Variants in DPP4 observed in about 807,000 individuals in gnomAD.
DPP4 encodes the protein dipeptidyl peptidase 4.
DPP4 carries 93 observed loss-of-function variants against 122.4 expected under a neutral mutation model. That is an observed-to-expected ratio of 0.76 (90% CI 0.64 to 0.90). The LOEUF (loss-of-function observed/expected upper bound fraction) is 0.90. Ranked by LOEUF, DPP4 falls within the 40% of genes least tolerant of loss-of-function variation. DPP4 has a pLI of 0.00. For missense variants in DPP4, 914 were observed against 907.3 expected (o/e 1.01, Z -0.09); for synonymous variants, 321 against 302.9 (o/e 1.06, Z -0.62).
intron 14 of DPP4, among the ~76,000 whole-genome samples, chr2:162,020,016 G>C (rs548702929): frequency 5.9e-5 from 9 of 152,178 alleles, no homozygotes; most frequent in Non-Finnish European, 1.2e-4. Context: ...GCAGGTAAGA[G>C]CAAGAGGTAG....
chr2:162,034,084 C>T (rs181138906), intron 9 of DPP4, among the ~76,000 whole-genome samples: 131 of 152,074 alleles, frequency 8.6e-4, no homozygotes, highest in African/African-American at 2.9e-3. Context: ...ACCTTGGGTT[C>T]TGCCAAAGAC....
chr2:162,067,715 A>T (rs1192004734), intron 2 of DPP4, among the ~76,000 whole-genome samples: 1 of 152,196 alleles, frequency 6.6e-6, no homozygotes, highest in African/African-American at 2.4e-5. Flanking sequence ...TTACTCTCAA[A>T]TTGAGAGACA....
intron 2 of DPP4, among the ~76,000 whole-genome samples, chr2:162,069,952 A>T (rs1685061443): frequency 6.6e-6 from 1 of 152,242 alleles, no homozygotes; most frequent in African/African-American, 2.4e-5. Context: ...ATAAAATTCA[A>T]TAATAATAAA....
chr2:162,061,127 G>A (rs903816581), intron 2 of DPP4, among the ~76,000 whole-genome samples: 1 of 151,682 alleles, frequency 6.6e-6, no homozygotes, highest in Non-Finnish European at 1.5e-5. Flanking sequence ...AGCCTTGAAC[G>A]AACTCCTGGG....
Position 162,020,234 on chromosome 2 carries a change from A to G in DPP4, c.1239T>C (p.Asp413=), listed in dbSNP as rs1683071459. ...EVIGIEALTS[D]YLYYISNEYK... ...TCAATTGTTACAATACTCACAGATAATCACTGGTTAGAGCTTCTATCCCGA... is the reference window on the plus strand; with the variant it reads ...TCAATTGTTACAATACTCACAGATAGTCACTGGTTAGAGCTTCTATCCCGA... The change falls in exon 14 of 26, where the codon GAT becomes GAC. Residue 413 remains aspartate, a synonymous_variant. Coordinates refer to ENST00000360534, the MANE Select transcript of DPP4 (RefSeq NM_001935.4). The G allele has an allele frequency of 2.5e-6, 4 of 1,610,566 alleles. No individual in the cohort carries two copies. Among genetic ancestry groups the G allele is most frequent in the Non-Finnish European group, 2.5e-6 (3 of 1,178,728 alleles).
intron 2 of DPP4, among the ~76,000 whole-genome samples, chr2:162,049,114 T>G (rs1576064711): frequency 6.6e-6 from 1 of 152,168 alleles, no homozygotes; most frequent in Non-Finnish European, 1.5e-5. Context: ...GTTATAAAAT[T>G]CCTATAACTG....
chr2:162,061,511 C>T (rs938721585), intron 2 of DPP4, among the ~76,000 whole-genome samples: 3 of 152,132 alleles, frequency 2.0e-5, no homozygotes, highest in African/African-American at 7.2e-5. Flanking sequence ...TAAGTACTTA[C>T]TTTAACAGTC....
intron 2 of DPP4, 42 bp downstream of exon 2, chr2:162,073,357 G>A (rs757723055): frequency 6.3e-7 from 1 of 1,596,690 alleles, no homozygotes; most frequent in Non-Finnish European, 8.6e-7. Flanking sequence ...AGCCTGACCT[G>A]AGCTCCAACT....
intron 19 of DPP4, among the ~76,000 whole-genome samples, chr2:162,012,793 G>T (rs925923532): frequency 6.6e-6 from 1 of 151,890 alleles, no homozygotes; most frequent in African/African-American, 2.4e-5. Flanking sequence ...CCTGGACATG[G>T]ATACTCTCCA....
intron 22 of DPP4, among the ~76,000 whole-genome samples, chr2:162,006,366 T>A (rs1701282832): frequency 2.0e-5 from 3 of 152,202 alleles, no homozygotes; most frequent in Admixed American, 2.0e-4. Context: ...CTGATTTAAA[T>A]CATATTTTAT....
At chr2:162,073,782 G>T (rs531144796) in intron 1 of DPP4, among the ~76,000 whole-genome samples, 194 bp downstream of exon 1, 2 of 84,260 alleles carry the variant, frequency 2.4e-5, no homozygotes, top group African/African-American at 7.9e-5. Flanking sequence ...TCGACGCCAG[G>T]GTCCTAGCAG....
chr2:162,047,273 G>GAAA, intron 3 of DPP4, 130 bp downstream of exon 3: 1 of 470,360 alleles, frequency 2.1e-6, no homozygotes, highest in Non-Finnish European at 3.6e-6. Flanking sequence ...AGTAGAAAAA[G>GAAA]AAAAAAAAAA....
chr2:162,018,581 ATTGT>A, intron 16 of DPP4, 144 bp downstream of exon 16: 1 of 1,032,126 alleles, frequency 9.7e-7, no homozygotes. Context: ...GGAAGAAAAG[ATTGT>A]TTATGCTCAC....
At chr2:162,044,626 C>A (rs149555806) in intron 5 of DPP4, among the ~76,000 whole-genome samples, 231 of 152,290 alleles carry the variant, frequency 1.5e-3, no homozygotes, top group Non-Finnish European at 2.2e-3. Context: ...CACTACATGT[C>A]TCAAAACTTC....
At chr2:162,001,284 G>A (rs1046114366) in intron 23 of DPP4, among the ~76,000 whole-genome samples, 2 of 152,130 alleles carry the variant, frequency 1.3e-5, no homozygotes. Flanking sequence ...CTTAATAAAT[G>A]AATGAAAACA....
chr2:162,042,212 T>G (rs747012125), intron 5 of DPP4, among the ~76,000 whole-genome samples: 3 of 152,212 alleles, frequency 2.0e-5, no homozygotes, highest in African/African-American at 4.8e-5. Flanking sequence ...TTTAGACAAA[T>G]GAGGATAATG....
intron 2 of DPP4, among the ~76,000 whole-genome samples, chr2:162,050,078 C>G (rs1309195328): frequency 6.6e-6 from 1 of 152,074 alleles, no homozygotes; most frequent in Non-Finnish European, 1.5e-5. Context: ...AGGAGTAAAG[C>G]CTTATGCTAC....
chr2:162,002,074 T>G (rs891022511), intron 23 of DPP4, among the ~76,000 whole-genome samples: 1 of 152,198 alleles, frequency 6.6e-6, no homozygotes, highest in Admixed American at 6.5e-5. Flanking sequence ...CTAATCCACA[T>G]GGCAGCTTTG....
At chr2:162,060,279 T>C (rs553151669) in intron 2 of DPP4, among the ~76,000 whole-genome samples, 5 of 152,346 alleles carry the variant, frequency 3.3e-5, no homozygotes, top group African/African-American at 1.2e-4. Flanking sequence ...CTTGGGTCAG[T>C]TGAAACTTAA....
Sources: allele counts gnomAD v4.1 joint callset (sites outside exome capture counted in the v4.1 genomes callset), GRCh38; gene constraint gnomAD v4.1.1; transcripts MANE v1.5; gene names NCBI Gene and HGNC (gene_info 2026-07-23, HGNC 2026-07-21).